HECW2: variants seen among roughly 807,000 people sequenced by gnomAD.
The protein encoded by HECW2 is HECT, C2 and WW domain containing E3 ubiquitin protein ligase 2.
In HECW2, 61 loss-of-function variants were observed where a neutral mutation model predicts 175.2. The ratio of observed to expected loss-of-function variants is 0.35; its 90% CI spans 0.28 to 0.43. HECW2 has a LOEUF of 0.43. Ranked by LOEUF, HECW2 falls within the 20% of genes least tolerant of loss-of-function variation. HECW2 has a pLI of 1.00. For synonymous variants in HECW2, 671 were observed against 731.0 expected, an observed-to-expected ratio of 0.92 and a Z score of 1.32; for missense variants, 1,524 against 2,000.5, an observed-to-expected ratio of 0.76 and a Z score of 4.54.
chr2:196,537,222 T>A (rs1279523202), intron 1 of HECW2, among the ~76,000 whole-genome samples: 3 of 151,986 alleles, frequency 2.0e-5, no homozygotes, highest in African/African-American at 7.3e-5. Flanking sequence ...GAAAATGTGC[T>A]CCTAGACATA....
chr2:196,502,386 T>C (rs1002966260), intron 1 of HECW2, among the ~76,000 whole-genome samples: 7 of 152,192 alleles, frequency 4.6e-5, no homozygotes, highest in Non-Finnish European at 8.8e-5. Context: ...AGAGAAAATA[T>C]GTTACAAAGT....
intron 25 of HECW2, among the ~76,000 whole-genome samples, chr2:196,220,402 A>G (rs1049774767): frequency 6.6e-6 from 1 of 152,226 alleles, no homozygotes; most frequent in African/African-American, 2.4e-5. Context: ...GTCCACCTTT[A>G]GGAAACTATC....
chr2:196,334,627 T>C (rs1692484650), intron 3 of HECW2, 109 bp from the exon 4 acceptor site: 1 of 808,932 alleles, frequency 1.2e-6, no homozygotes, highest in African/African-American at 1.7e-5. Flanking sequence ...CTCATGACTC[T>C]GAATGACCTC....
At chr2:196,354,757 T>C (rs1575452166) in intron 2 of HECW2, among the ~76,000 whole-genome samples, 1 of 130,812 alleles carries the variant, frequency 7.6e-6, no homozygotes, top group Non-Finnish European at 1.6e-5. Context: ...ACTCTGGATC[T>C]TTATAATAAG....
intron 1 of HECW2, among the ~76,000 whole-genome samples, chr2:196,586,181 T>C (rs1415401216): frequency 6.6e-6 from 1 of 152,202 alleles, no homozygotes; most frequent in African/African-American, 2.4e-5. Flanking sequence ...TTCCTTAATT[T>C]ACAGTCAATG....
chr2:196,524,223 G>A (rs1487693861), intron 1 of HECW2, among the ~76,000 whole-genome samples: 1 of 138,632 alleles, frequency 7.2e-6, no homozygotes, highest in Non-Finnish European at 1.5e-5. Context: ...ATGTGTCAAG[G>A]AATTTATCCA....
At chr2:196,216,478 C>T (rs1485958128) in intron 27 of HECW2, among the ~76,000 whole-genome samples, 1 of 151,356 alleles carries the variant, frequency 6.6e-6, no homozygotes, top group Non-Finnish European at 1.5e-5. Flanking sequence ...TCTGGTATTT[C>T]TATAGCTGCA....
At chr2:196,248,371 C>G (rs2105900373) in intron 19 of HECW2, among the ~76,000 whole-genome samples, 1 of 152,266 alleles carries the variant, frequency 6.6e-6, no homozygotes, top group African/African-American at 2.4e-5. Context: ...ATGAGAGAGA[C>G]AGTGTCTGTG....
At chr2:196,564,052 C>T (rs535570992) in intron 1 of HECW2, among the ~76,000 whole-genome samples, 4 of 152,310 alleles carry the variant, frequency 2.6e-5, no homozygotes, top group Non-Finnish European at 4.4e-5. Context: ...CTTAACCAAA[C>T]AATCCCATTC....
intron 13 of HECW2, among the ~76,000 whole-genome samples, chr2:196,306,196 C>T (rs1237091724): frequency 6.6e-6 from 1 of 152,122 alleles, no homozygotes; most frequent in African/African-American, 2.4e-5. Flanking sequence ...CATCAGACAC[C>T]ATATCTGCCA....
chr2:196,499,633 C>A (rs1687512203), intron 1 of HECW2, among the ~76,000 whole-genome samples: 1 of 152,136 alleles, frequency 6.6e-6, no homozygotes, highest in Non-Finnish European at 1.5e-5. Context: ...TAAAGGCAAA[C>A]TTATGGCCTG....
chr2:196,479,951 G>T (rs1000427871), intron 1 of HECW2, among the ~76,000 whole-genome samples: 3 of 152,032 alleles, frequency 2.0e-5, no homozygotes, highest in Admixed American at 2.0e-4. Flanking sequence ...AATATTTAAA[G>T]GACTCTCTAT....
At chr2:196,400,821 A>C (rs1006456711) in intron 2 of HECW2, among the ~76,000 whole-genome samples, 1 of 78,922 alleles carries the variant, frequency 1.3e-5, no homozygotes, top group Non-Finnish European at 2.5e-5. Flanking sequence ...CACAAAATGC[A>C]AAAAAAAAAA....
intron 21 of HECW2, among the ~76,000 whole-genome samples, chr2:196,234,010 C>T (rs1045582298): frequency 6.6e-6 from 1 of 152,160 alleles, no homozygotes; most frequent in Non-Finnish European, 1.5e-5. Flanking sequence ...TCTTAAACTC[C>T]CAAACTAAAA....
intron 2 of HECW2, among the ~76,000 whole-genome samples, chr2:196,358,669 C>A (rs35906804): frequency 0.019 from 2,717 of 144,006 alleles, 40 homozygotes; most frequent in Non-Finnish European, 0.032. Context: ...CATTTCATTA[C>A]TCAAAAGCAC....
At chr2:196,491,367 T>TACAC (rs1449828623) in intron 1 of HECW2, among the ~76,000 whole-genome samples, 14 of 95,752 alleles carry the variant, frequency 1.5e-4, no homozygotes, top group Middle Eastern at 5.4e-3. Context: ...ATCATATATA[T>TACAC]ATACACACAC....
chr2:196,558,128 A>G (rs138063500), intron 1 of HECW2, among the ~76,000 whole-genome samples: 119 of 152,348 alleles, frequency 7.8e-4, no homozygotes, highest in Admixed American at 1.7e-3. Flanking sequence ...TTCTTCATCC[A>G]GTAGTTTTCT....
chr2:196,482,864 C>T (rs998966167), intron 1 of HECW2, among the ~76,000 whole-genome samples: 2 of 152,168 alleles, frequency 1.3e-5, no homozygotes, highest in African/African-American at 4.8e-5. Flanking sequence ...ATGTGACTCA[C>T]TGGTTACACA....
chr2:196,426,669 T>C (rs1453775968), intron 2 of HECW2, among the ~76,000 whole-genome samples: 2 of 152,084 alleles, frequency 1.3e-5, no homozygotes, highest in African/African-American at 2.4e-5. Context: ...TACTTAACAG[T>C]TGGGAAATAC....
Sources: gnomAD v4.1 joint callset for allele counts (sites outside exome capture counted in the v4.1 genomes callset) on GRCh38, gnomAD v4.1.1 for gene constraint, MANE v1.5 for transcripts, NCBI Gene and HGNC (gene_info 2026-07-23, HGNC 2026-07-21) for gene names.